Variants in DRC11 observed in about 807,000 individuals in gnomAD.
The protein encoded by DRC11 is dynein regulatory complex subunit 11, also known as IQ and AAA domain-containing protein 1.
At chr2:236,357,483 T>C in the DRC11 span, among the ~76,000 whole-genome samples, 1 of 127,452 alleles carries the variant, frequency 7.8e-6, no homozygotes, top group African/African-American at 3.1e-5. Flanking sequence ...TGTATATTTA[T>C]ATATTATAAA....
chr2:236,500,117 A>G, the DRC11 span, among the ~76,000 whole-genome samples: 63 of 142,354 alleles, frequency 4.4e-4, no homozygotes, highest in African/African-American at 1.6e-3. The surrounding 1 kb of genome is among the most constrained non-coding windows in gnomAD (Gnocchi z 6.3). Flanking sequence ...GATGATGATG[A>G]TGGCGAAGGT....
At chr2:236,448,341 C>G in the DRC11 span, among the ~76,000 whole-genome samples, 2 of 152,134 alleles carry the variant, frequency 1.3e-5, no homozygotes, top group Non-Finnish European at 2.9e-5. The surrounding 1 kb of genome is among the most constrained non-coding windows in gnomAD (Gnocchi z 5.3). Flanking sequence ...AACCTTAAAG[C>G]AAGTGAAGGA....
the DRC11 span, among the ~76,000 whole-genome samples, chr2:236,457,640 A>G: frequency 6.6e-6 from 1 of 152,352 alleles, no homozygotes; most frequent in African/African-American, 2.4e-5. This position sits in a 1 kb window ranked among gnomAD's most constrained non-coding sequence, Gnocchi z 4.7. Context: ...TGGATTAGCC[A>G]AGTATGTCCT....
chr2:236,503,629 A>G, the DRC11 span: 1 of 1,549,862 alleles, frequency 6.5e-7, no homozygotes, highest in African/African-American at 1.4e-5. The surrounding 1 kb of genome is among the most constrained non-coding windows in gnomAD (Gnocchi z 4.9). Flanking sequence ...CTGCATCATT[A>G]CCTGTTTTCC....
the DRC11 span, chr2:236,343,644 C>G: frequency 2.8e-6 from 3 of 1,070,018 alleles, no homozygotes; most frequent in Admixed American, 2.3e-5. The surrounding 1 kb of genome is among the most constrained non-coding windows in gnomAD (Gnocchi z 6.6). Flanking sequence ...CCCTGCATTT[C>G]TCTTAGACGT....
chr2:236,491,243 ACAG>A, the DRC11 span, among the ~76,000 whole-genome samples: 2 of 48,846 alleles, frequency 4.1e-5, no homozygotes, highest in African/African-American at 9.2e-5. Flanking sequence ...ATATATATAC[ACAG>A]TATATATATA....
chr2:236,408,066 T>C, the DRC11 span: 1 of 592,984 alleles, frequency 1.7e-6, no homozygotes, highest in African/African-American at 1.8e-5. The surrounding 1 kb of genome is among the most constrained non-coding windows in gnomAD (Gnocchi z 5.5). Flanking sequence ...CCACCACACA[T>C]TCCTTCAGCA....
At chr2:236,422,081 C>A in the DRC11 span, among the ~76,000 whole-genome samples, 1 of 152,154 alleles carries the variant, frequency 6.6e-6, no homozygotes, top group Non-Finnish European at 1.5e-5. Context: ...CTATCTATGA[C>A]AAACCCACAG....
the DRC11 span, among the ~76,000 whole-genome samples, chr2:236,347,350 TG>T: frequency 6.6e-6 from 1 of 152,056 alleles, no homozygotes; most frequent in South Asian, 2.1e-4. Flanking sequence ...AACTACCATT[TG>T]ATCCAGCAAT....
chr2:236,402,553 G>A, the DRC11 span, among the ~76,000 whole-genome samples: 1,123 of 152,310 alleles, frequency 7.4e-3, 8 homozygotes, highest in Non-Finnish European at 0.013. This position sits in a 1 kb window ranked among gnomAD's most constrained non-coding sequence, Gnocchi z 6.0. Flanking sequence ...GGGTGGGGGG[G>A]CATGGCAGGC....
the DRC11 span, among the ~76,000 whole-genome samples, chr2:236,465,222 C>G: frequency 6.6e-6 from 1 of 152,088 alleles, no homozygotes; most frequent in African/African-American, 2.4e-5. The surrounding 1 kb of genome is among the most constrained non-coding windows in gnomAD (Gnocchi z 6.2). Context: ...TTCTGGGTCC[C>G]CTGACTTTTG....
the DRC11 span, among the ~76,000 whole-genome samples, chr2:236,386,544 C>T: frequency 6.6e-6 from 1 of 151,958 alleles, no homozygotes. Context: ...CTATTTGATT[C>T]TTCTCTCTTT....
the DRC11 span, among the ~76,000 whole-genome samples, chr2:236,357,759 T>C: frequency 1.6e-4 from 20 of 126,658 alleles, no homozygotes; most frequent in East Asian, 3.3e-3. Context: ...TATATAAATA[T>C]ACATATACTA....
At chr2:236,411,889 A>C in the DRC11 span, among the ~76,000 whole-genome samples, 3 of 115,090 alleles carry the variant, frequency 2.6e-5, no homozygotes, top group East Asian at 5.7e-4. Context: ...CACTCTGGGG[A>C]CTGTTGTGGG....
the DRC11 span, among the ~76,000 whole-genome samples, chr2:236,462,771 C>T: frequency 6.6e-6 from 1 of 152,150 alleles, no homozygotes; most frequent in African/African-American, 2.4e-5. This position sits in a 1 kb window ranked among gnomAD's most constrained non-coding sequence, Gnocchi z 6.4. Context: ...TTTCCTTTTA[C>T]AGTCAGATGC....
the DRC11 span, among the ~76,000 whole-genome samples, chr2:236,495,895 G>A: frequency 3.3e-5 from 5 of 152,152 alleles, no homozygotes; most frequent in Admixed American, 2.0e-4. This position sits in a 1 kb window ranked among gnomAD's most constrained non-coding sequence, Gnocchi z 5.6. Flanking sequence ...CGGCAACAAT[G>A]GCATGTCCTT....
At chr2:236,477,997 T>G in the DRC11 span, among the ~76,000 whole-genome samples, 1 of 140,550 alleles carries the variant, frequency 7.1e-6, no homozygotes, top group Non-Finnish European at 1.6e-5. Context: ...ACTTTTCGTT[T>G]TGTTGATTTG....
At chr2:236,396,830 C>T in the DRC11 span, among the ~76,000 whole-genome samples, 1 of 152,168 alleles carries the variant, frequency 6.6e-6, no homozygotes, top group South Asian at 2.1e-4. Flanking sequence ...CGATTATAGG[C>T]CAGGCACTGC....
chr2:236,480,204 T>A, the DRC11 span, among the ~76,000 whole-genome samples: 1 of 152,122 alleles, frequency 6.6e-6, no homozygotes, highest in African/African-American at 2.4e-5. Context: ...GTTTATTATA[T>A]ACCTTGGGAT....
Sources: gnomAD v4.1 joint callset for allele counts (sites outside exome capture counted in the v4.1 genomes callset) on GRCh38, gnomAD v4.1.1 for gene constraint, Gnocchi (gnomAD v3.1) non-coding constraint, MANE v1.5 for transcripts, NCBI Gene and HGNC (gene_info 2026-07-23, HGNC 2026-07-21) for gene names.